The following ITPR2 variants were observed in gnomAD, a reference collection of about 807,000 sequenced individuals.
ITPR2 encodes the protein inositol 1,4,5-trisphosphate receptor type 2.
Under a neutral mutation model 317.1 loss-of-function variants are expected in ITPR2, and 207 were observed. The ratio of observed to expected loss-of-function variants is 0.65; its 90% CI spans 0.58 to 0.73. The LOEUF (loss-of-function observed/expected upper bound fraction) is 0.73. Ranked by LOEUF, ITPR2 falls within the 30% of genes least tolerant of loss-of-function variation. ITPR2 has a pLI of 0.00. For synonymous variants in ITPR2, 1,156 were observed against 1,149.1 expected (o/e 1.01, Z -0.12); for missense variants, 2,613 against 3,284.0 (o/e 0.80, Z 4.99).
At chr12:26,593,471 T>C (rs565896654) in intron 32 of ITPR2, among the ~76,000 whole-genome samples, 40 of 152,178 alleles carry the variant, frequency 2.6e-4, no homozygotes, top group Admixed American at 8.5e-4. Flanking sequence ...ATCCCAGATA[T>C]GAAAAAGTCA....
chr12:26,409,022 C>T (rs115740657), intron 52 of ITPR2, among the ~76,000 whole-genome samples: 3,650 of 152,192 alleles, frequency 0.024, 149 homozygotes, highest in African/African-American at 0.08. Context: ...CCAGCTATTT[C>T]AACTATGTTC....
chr12:26,431,169 A>G (rs1318968457), intron 48 of ITPR2, among the ~76,000 whole-genome samples: 1 of 152,218 alleles, frequency 6.6e-6, no homozygotes, highest in Admixed American at 6.5e-5. Context: ...AATCACCATG[A>G]AGAACTCATT....
chr12:26,412,437 C>A (rs12815947), intron 51 of ITPR2, among the ~76,000 whole-genome samples: 2 of 151,912 alleles, frequency 1.3e-5, no homozygotes, highest in Non-Finnish European at 2.9e-5. Context: ...TGAGGGTGTG[C>A]GGGTGTGGGG....
chr12:26,763,101 G>C (rs896293691), intron 2 of ITPR2, among the ~76,000 whole-genome samples: 1 of 152,056 alleles, frequency 6.6e-6, no homozygotes, highest in African/African-American at 2.4e-5. Context: ...AAATATCTAA[G>C]AGAGTATATC....
Position 26,428,005 on chromosome 12 carries a change from C to T in ITPR2, c.6853G>A (p.Val2285Met). ...GATACAAGAAACGGCCGAATACCCA[C>T]AGGCTTGGAGAAGAAAAACAGCATA... Reference protein sequence around the residue: ...TSMLFFFSKPVGIRPFLVSIM... With the variant: ...TSMLFFFSKPMGIRPFLVSIM... The change falls in exon 49 of 57, where the codon GTG becomes ATG. Residue 2285 changes from valine to methionine, a missense_variant. By Grantham distance (21) the Val-to-Met change is conservative (BLOSUM62 1). Transcript: ENST00000381340. The T allele has an allele frequency of 6.2e-7, 1 of 1,612,902 alleles. No homozygotes were observed.
At chr12:26,690,103 G>A (rs1948207184) in intron 10 of ITPR2, among the ~76,000 whole-genome samples, 1 of 152,200 alleles carries the variant, frequency 6.6e-6, no homozygotes, top group African/African-American at 2.4e-5. Flanking sequence ...TTATGAACAA[G>A]ATCAGTCAGT....
chr12:26,402,626 C>A (rs1940213672), intron 52 of ITPR2, among the ~76,000 whole-genome samples: 1 of 152,220 alleles, frequency 6.6e-6, no homozygotes, highest in African/African-American at 2.4e-5. Context: ...GGAGAACACC[C>A]TGGTCAGGTC....
intron 32 of ITPR2, among the ~76,000 whole-genome samples, chr12:26,588,086 GTTATT>G (rs1455018269): frequency 1.3e-5 from 2 of 152,168 alleles, no homozygotes; most frequent in Non-Finnish European, 2.9e-5. Flanking sequence ...TTGAAAAGGG[GTTATT>G]TTAGAGTGAG....
At chr12:26,429,029 T>A (rs1310844547) in intron 48 of ITPR2, among the ~76,000 whole-genome samples, 1 of 152,188 alleles carries the variant, frequency 6.6e-6, no homozygotes, top group Non-Finnish European at 1.5e-5. Flanking sequence ...TTATCTTTAT[T>A]TATAAAATTT....
chr12:26,396,236 G>A (rs1365084620), intron 54 of ITPR2, among the ~76,000 whole-genome samples: 1 of 152,116 alleles, frequency 6.6e-6, no homozygotes, highest in Non-Finnish European at 1.5e-5. Flanking sequence ...TTCTATAAAG[G>A]TAGGAGGAGG....
At chr12:26,714,711 T>C (rs1948707167) in intron 8 of ITPR2, among the ~76,000 whole-genome samples, 1 of 152,192 alleles carries the variant, frequency 6.6e-6, no homozygotes, top group Non-Finnish European at 1.5e-5. Flanking sequence ...CTGTAGATCT[T>C]ATCTCCTCCA....
chr12:26,683,710 T>C (rs1948078576), intron 11 of ITPR2, among the ~76,000 whole-genome samples: 1 of 152,246 alleles, frequency 6.6e-6, no homozygotes, highest in African/African-American at 2.4e-5. Flanking sequence ...GCTAATTCCA[T>C]GTACCATGAA....
intron 21 of ITPR2, among the ~76,000 whole-genome samples, chr12:26,648,591 A>G (rs2136882072): frequency 6.8e-6 from 1 of 146,028 alleles, no homozygotes. Flanking sequence ...AAATACTTAC[A>G]GTATGAGAGG....
Position 26,596,952 on chromosome 12 carries a change from G to T in ITPR2, c.4185C>A (p.Ile1395=), listed in dbSNP as rs1199141908. Residue 1395 remains isoleucine (I), a synonymous_variant, in exon 31 of 57, where the codon ATC becomes ATA. Coordinates refer to ENST00000381340, the MANE Select transcript of ITPR2 (RefSeq NM_002223.4). The part of the protein sequence containing the change: ...CTEGKNVYTE[I]KCNSLLPLDD... ...CCAGCGGGAGAAGGGAATTACACTT[G>T]ATTTCAGTGTAGACATTTTTCCCCT... 1.2e-6 allele frequency: 2 copies of T among 1,609,520 alleles called. No homozygotes were observed. The highest frequency in any genetic ancestry group is 1.3e-5 in the African/African-American group (1 of 74,816).
At chr12:26,456,628 T>G (rs59070649) in intron 45 of ITPR2, among the ~76,000 whole-genome samples, 17,603 of 152,116 alleles carry the variant, frequency 0.12, 2,557 homozygotes, top group African/African-American at 0.34. Flanking sequence ...TTGCATGAGG[T>G]CCAAGAACCC....
At chr12:26,512,599 A>T (rs1943382698) in intron 37 of ITPR2, among the ~76,000 whole-genome samples, 2 of 152,188 alleles carry the variant, frequency 1.3e-5, no homozygotes, top group Non-Finnish European at 2.9e-5. Context: ...TTCTGGACCT[A>T]GCCAAAGTAC....
chr12:26,726,398 A>G (rs1372537039), intron 2 of ITPR2, among the ~76,000 whole-genome samples: 1 of 152,222 alleles, frequency 6.6e-6, no homozygotes, highest in African/African-American at 2.4e-5. Flanking sequence ...TCTCTAAGTC[A>G]AGAAGCAAAA....
chr12:26,796,463 TAGTA>T (rs1245223303), intron 1 of ITPR2, among the ~76,000 whole-genome samples: 7 of 152,202 alleles, frequency 4.6e-5, no homozygotes, highest in Non-Finnish European at 7.3e-5. Context: ...ATTGAAATGT[TAGTA>T]AGGTTTTGAA....
chr12:26,812,451 C>T (rs1338470499), intron 1 of ITPR2, among the ~76,000 whole-genome samples: 9 of 151,932 alleles, frequency 5.9e-5, no homozygotes, highest in Non-Finnish European at 2.9e-5. Context: ...TGGTGGCAGG[C>T]GCCTGTACTC....
Sources: gnomAD v4.1 joint callset for allele counts (sites outside exome capture counted in the v4.1 genomes callset) on GRCh38, gnomAD v4.1.1 for gene constraint, MANE v1.5 for transcripts, NCBI Gene and HGNC (gene_info 2026-07-23, HGNC 2026-07-21) for gene names.